The following MACROD2 variants were observed in gnomAD, a reference collection of about 807,000 sequenced individuals.
MACROD2 encodes the protein ADP-ribose glycohydrolase MACROD2.
In MACROD2, 36 loss-of-function variants were observed where a neutral mutation model predicts 70.4. The ratio of observed to expected loss-of-function variants is 0.51; its 90% CI spans 0.39 to 0.68. The LOEUF (loss-of-function observed/expected upper bound fraction) is 0.68. Among genes scored for constraint, MACROD2 ranks in the 30% least tolerant of loss-of-function variants. MACROD2 has a pLI of 0.00. For synonymous variants in MACROD2, 172 were observed against 178.8 expected, an observed-to-expected ratio of 0.96 and a Z score of 0.30; for missense variants, 496 against 538.4, an observed-to-expected ratio of 0.92 and a Z score of 0.78.
At chr20:14,627,224 C>A (rs1242212407) in intron 4 of MACROD2, 1 of 152,182 alleles carries the variant, frequency 6.6e-6, no homozygotes, top group Admixed American at 6.5e-5. Context: ...GACATCCAAT[C>A]CTTCAGTTGC....
chr20:14,157,037 G>A (rs2055113113), intron 3 of MACROD2, among the ~76,000 whole-genome samples: 1 of 152,148 alleles, frequency 6.6e-6, no homozygotes, highest in East Asian at 1.9e-4. Flanking sequence ...GCTGCTTTAT[G>A]TTCCAATTCT....
At position 15,703,158 on chromosome 20, in the gene MACROD2, T is replaced by C. The variant is rs1009901639; in HGVS notation, c.646-159587T>C. The stretch of plus-strand genomic sequence containing the variant: ...AAATTAATCCAAGATTGATTAAAGA[T>C]TTAAATGTAAGACCTCAAGCTATTA... On this transcript the variant is annotated intron_variant, in intron 8 of 17. Transcript: ENST00000684519. Among the ~76,000 whole-genome samples, 9 of 152,172 alleles carry C rather than the reference T, an allele frequency of 5.9e-5. No homozygotes were observed. The East Asian group carries it at 1.7e-3, about 29-fold the overall frequency.
chr20:15,198,150 G>A (rs764402075), intron 5 of MACROD2, among the ~76,000 whole-genome samples: 2 of 151,804 alleles, frequency 1.3e-5, no homozygotes, highest in South Asian at 2.1e-4. Context: ...CAGTAGAGAC[G>A]GGGTTTCACT....
In MACROD2 at chr20:14,453,507, T is replaced by C. The variant is rs539162145; in HGVS notation, c.272-39972T>C. On this transcript the variant is annotated intron_variant, in intron 3 of 17. Coordinates refer to ENST00000684519, the MANE Select transcript of MACROD2 (RefSeq NM_001351661.2). ...GTAATCTGTCTTTGCATTCCTAACC[T>C]CGTGAAACTGAGGCATATGCAGCAT... 3.3e-5 allele frequency among the ~76,000 whole-genome samples: 5 copies of C among 152,198 alleles called. No homozygotes were observed. In the South Asian group the frequency reaches 1.0e-3, roughly 32 times the overall value.
chr20:15,397,825 A>G (rs892874020), intron 6 of MACROD2, among the ~76,000 whole-genome samples: 5 of 152,186 alleles, frequency 3.3e-5, no homozygotes, highest in African/African-American at 1.2e-4. Context: ...AGAGTTAAAT[A>G]GCAGGGGTAT....
chr20:15,508,066 C>A (rs190220797), intron 8 of MACROD2, among the ~76,000 whole-genome samples: 1 of 152,298 alleles, frequency 6.6e-6, no homozygotes, highest in East Asian at 1.9e-4. Flanking sequence ...TATTTCCTCC[C>A]AGTAGGGGAT....
intron 7 of MACROD2, among the ~76,000 whole-genome samples, chr20:15,450,949 A>G (rs1157503807): frequency 6.6e-6 from 1 of 152,180 alleles, no homozygotes. Flanking sequence ...AGCAAGTCTG[A>G]TTATGGGACA....
chr20:14,085,458 T>C (rs1260648142), intron 2 of MACROD2, among the ~76,000 whole-genome samples, 163 bp from the exon 3 acceptor site: 1 of 152,158 alleles, frequency 6.6e-6, no homozygotes, highest in East Asian at 1.9e-4. Context: ...AATTACAAAA[T>C]AGAGAATAAA....
chr20:14,941,522 G>A (rs1368706719), intron 5 of MACROD2, among the ~76,000 whole-genome samples: 1 of 152,102 alleles, frequency 6.6e-6, no homozygotes, highest in Non-Finnish European at 1.5e-5. Flanking sequence ...CCAGGCAGAT[G>A]GTGGGAAGAG....
At chr20:15,778,657 C>T (rs1321650751) in intron 8 of MACROD2, among the ~76,000 whole-genome samples, 1 of 151,770 alleles carries the variant, frequency 6.6e-6, no homozygotes, top group East Asian at 1.9e-4. Context: ...ACTTTAGGTA[C>T]AGAGGTTATA....
intron 6 of MACROD2, among the ~76,000 whole-genome samples, chr20:15,402,285 G>A (rs2045940987): frequency 6.6e-6 from 1 of 152,178 alleles, no homozygotes. Context: ...GCAAGAGGAA[G>A]TTAAAAGATA....
intron 8 of MACROD2, among the ~76,000 whole-genome samples, chr20:15,661,397 G>A (rs889658209): frequency 6.6e-6 from 1 of 152,100 alleles, no homozygotes; most frequent in African/African-American, 2.4e-5. Context: ...GGGGAAGCAG[G>A]CATATGAAAA....
chr20:14,181,916 T>G (rs2081308432), intron 3 of MACROD2, among the ~76,000 whole-genome samples: 1 of 152,252 alleles, frequency 6.6e-6, no homozygotes, highest in Admixed American at 6.5e-5. Flanking sequence ...GTTGTTTCTA[T>G]TTTCTGGCTA....
chr20:15,273,555 T>C (rs765153423), intron 6 of MACROD2, among the ~76,000 whole-genome samples: 4 of 151,970 alleles, frequency 2.6e-5, no homozygotes, highest in Non-Finnish European at 4.4e-5. Flanking sequence ...AGAAGATGAG[T>C]TTGGCTTTTT....
In MACROD2 at chr20:15,776,389, G is replaced by A. The variant is rs572997949; in HGVS notation, c.646-86356G>A. Among the ~76,000 whole-genome samples the A allele has an allele frequency of 4.6e-5, 7 of 152,056 alleles. 1 individual carries two copies. The highest frequency in any genetic ancestry group is 1.4e-4 in the African/African-American group (6 of 41,412). On this transcript the variant is annotated intron_variant, in intron 8 of 17. Transcript: ENST00000684519. Reference sequence around the variant, plus strand: ...CCAGAGTGATGGACTGTGTTTTCTGGGAGGCTTCTCTCACCTGAAGGACAA... The same window carrying A: ...CCAGAGTGATGGACTGTGTTTTCTGAGAGGCTTCTCTCACCTGAAGGACAA...
chr20:15,576,550 A>ATTT (rs1165389377), intron 8 of MACROD2, among the ~76,000 whole-genome samples: 2 of 68,786 alleles, frequency 2.9e-5, no homozygotes, highest in Non-Finnish European at 8.8e-5. Context: ...TCTGCACAAA[A>ATTT]TGTTTTTTTT....
chr20:14,264,214 A>G (rs2082124689), intron 3 of MACROD2, among the ~76,000 whole-genome samples: 1 of 152,148 alleles, frequency 6.6e-6, no homozygotes. Flanking sequence ...CCAGGAATAC[A>G]TGTCCACAGG....
intron 4 of MACROD2, among the ~76,000 whole-genome samples, chr20:14,539,015 A>G (rs541550573): frequency 6.6e-6 from 1 of 152,312 alleles, no homozygotes; most frequent in Non-Finnish European, 1.5e-5. Flanking sequence ...CATTCAGTAA[A>G]CATTTCACAT....
At chr20:15,717,737 G>A (rs545044423) in intron 8 of MACROD2, among the ~76,000 whole-genome samples, 1 of 152,282 alleles carries the variant, frequency 6.6e-6, no homozygotes, top group East Asian at 1.9e-4. Context: ...TGGGTGAATG[G>A]AGGACCTTGG....
Sources: allele counts gnomAD v4.1 joint callset (sites outside exome capture counted in the v4.1 genomes callset), GRCh38; gene constraint gnomAD v4.1.1; transcripts MANE v1.5; gene names NCBI Gene and HGNC (gene_info 2026-07-23, HGNC 2026-07-21).